Variants in CCDC175 observed in about 807,000 individuals in gnomAD.
The protein encoded by CCDC175 is coiled-coil domain-containing protein 175.
Under a neutral mutation model 114.6 loss-of-function variants are expected in CCDC175, and 100 were observed. That is an observed-to-expected ratio of 0.87 (90% confidence interval 0.74 to 1.03). The LOEUF is 1.03. CCDC175 is among the 50% of genes least tolerant of loss of function. The probability of loss-of-function intolerance (pLI) is 0.00; values close to 1 mark genes in which losing one functional copy is unlikely to be tolerated. For synonymous variants in CCDC175, 306 were observed against 308.7 expected (o/e 0.99, Z 0.09); for missense variants, 880 against 917.8 (o/e 0.96, Z 0.53).
At chr14:59,506,208 A>T (rs898022682) in intron 19 of CCDC175, among the ~76,000 whole-genome samples, 7 of 152,016 alleles carry the variant, frequency 4.6e-5, no homozygotes, top group Non-Finnish European at 4.4e-5. Flanking sequence ...GGAGAGATTT[A>T]AAAAAATAAT....
chr14:59,508,586 G>A (rs4901931), intron 19 of CCDC175, among the ~76,000 whole-genome samples: 30,420 of 91,182 alleles, frequency 0.33, 3,844 homozygotes, highest in South Asian at 0.52. Flanking sequence ...AAAAAAAAAA[G>A]AGAGAAAAGC....
chr14:59,542,290 G>C (rs1030515127), intron 10 of CCDC175, among the ~76,000 whole-genome samples: 3 of 152,040 alleles, frequency 2.0e-5, no homozygotes, highest in African/African-American at 7.3e-5. Flanking sequence ...CATCATATGT[G>C]GTTCATTAAT....
Position 59,576,785 on chromosome 14 carries a change from C to G in CCDC175, c.-10G>C, listed in dbSNP as rs569125888. On this transcript the variant is annotated 5_prime_UTR_variant, in exon 1 of 20. Coordinates refer to ENST00000537690, the MANE Select transcript of CCDC175 (RefSeq NM_001164399.2). ...AGGGGCTCAGGGCCATTTTGCCGCT[C>G]TACTTGAGCGCCTCCTAAGCCAGAG... is the stretch of plus-strand genomic sequence containing the variant. The G allele has an allele frequency of 7.7e-6, 11 of 1,430,688 alleles. No homozygotes were observed. In the East Asian group the frequency reaches 3.3e-4, roughly 43 times the overall value. The allele number at this position is 1,430,688 out of a possible 1,614,324, so 88.6% of individuals were successfully genotyped here. A position where few individuals can be genotyped will look rare whatever the true frequency, so the allele number is the denominator to read the frequency against.
At chr14:59,551,695 G>A (rs1185810090) in intron 7 of CCDC175, among the ~76,000 whole-genome samples, 1 of 152,184 alleles carries the variant, frequency 6.6e-6, no homozygotes, top group Non-Finnish European at 1.5e-5. Flanking sequence ...GAAGCACAAG[G>A]GGTAAGGGAA....
At chr14:59,551,055 T>C in intron 8 of CCDC175, 1 of 194,210 alleles carries the variant, frequency 5.1e-6, no homozygotes, top group East Asian at 1.3e-4. Context: ...ATTCTAACTT[T>C]CTAAATAATT....
At chr14:59,537,919 A>G (rs1956358) in intron 13 of CCDC175, 104 bp downstream of exon 13, 355,983 of 718,962 alleles carry the variant, frequency 0.5, 94,918 homozygotes, top group East Asian at 0.8. Context: ...TTCATACTAG[A>G]ATATTTATTT....
intron 7 of CCDC175, among the ~76,000 whole-genome samples, chr14:59,560,449 T>C (rs1384576013): frequency 2.0e-5 from 3 of 152,326 alleles, no homozygotes; most frequent in Admixed American, 1.3e-4. Context: ...CATTCTGATA[T>C]GAAATCTGGG....
chr14:59,567,850 A>G (rs75620773), intron 4 of CCDC175, among the ~76,000 whole-genome samples: 2,998 of 152,334 alleles, frequency 0.02, 90 homozygotes, highest in African/African-American at 0.069. Flanking sequence ...TAGATTTACA[A>G]TATAATCCCT....
intron 19 of CCDC175, among the ~76,000 whole-genome samples, chr14:59,507,024 C>G (rs1382422964): frequency 2.0e-5 from 3 of 152,146 alleles, no homozygotes; most frequent in Non-Finnish European, 4.4e-5. Flanking sequence ...TACTAAGTTA[C>G]TGTTTAGCTT....
At chr14:59,543,713 C>T (rs937456580) in intron 9 of CCDC175, among the ~76,000 whole-genome samples, 3 of 152,110 alleles carry the variant, frequency 2.0e-5, no homozygotes, top group African/African-American at 7.2e-5. Flanking sequence ...AGGCTGGTAT[C>T]AAATGCCTGG....
intron 13 of CCDC175, among the ~76,000 whole-genome samples, chr14:59,536,075 T>C (rs1197392384): frequency 2.6e-5 from 4 of 152,212 alleles, no homozygotes; most frequent in African/African-American, 9.6e-5. Flanking sequence ...CCCAATCTTG[T>C]CATAGATACT....
In CCDC175 at chr14:59,505,185, T is replaced by C; in HGVS notation, c.*54A>G. 5 of 923,136 alleles carry C rather than the reference T, an allele frequency of 5.4e-6. No homozygotes were observed. Among genetic ancestry groups the C allele is most frequent in the Non-Finnish European group, 6.3e-6 (4 of 635,194 alleles). 57.2% of individuals were successfully genotyped at this position (923,136 alleles called of 1,614,324 possible). ...CTGCAAAATATGAAAGTAAGTGCAC[T>C]CACTTTTCCTGTAGTAGTCTGTCTT... On this transcript the variant is annotated 3_prime_UTR_variant, in exon 20 of 20. Transcript: ENST00000537690.
intron 17 of CCDC175, among the ~76,000 whole-genome samples, chr14:59,519,418 A>C (rs1458892192): frequency 6.6e-6 from 1 of 152,214 alleles, no homozygotes; most frequent in Non-Finnish European, 1.5e-5. Flanking sequence ...GGGTAGGCAC[A>C]AATGTTTTAG....
chr14:59,540,344 G>A (rs571601383), intron 11 of CCDC175, among the ~76,000 whole-genome samples: 27 of 152,114 alleles, frequency 1.8e-4, no homozygotes, highest in Admixed American at 1.1e-3. Flanking sequence ...TAGCCTTCAC[G>A]CCACCTTCCT....
intron 8 of CCDC175, among the ~76,000 whole-genome samples, chr14:59,547,822 C>A (rs1022354410): frequency 6.6e-6 from 1 of 152,048 alleles, no homozygotes; most frequent in Non-Finnish European, 1.5e-5. Context: ...AACTGGACTT[C>A]ATTAAAATTA....
At chr14:59,554,298 A>C (rs1450943113) in intron 7 of CCDC175, among the ~76,000 whole-genome samples, 1 of 152,258 alleles carries the variant, frequency 6.6e-6, no homozygotes, top group African/African-American at 2.4e-5. Flanking sequence ...ACTAGAACTC[A>C]GGATTAAGAA....
chr14:59,569,079 G>A (rs1289055408), intron 3 of CCDC175, among the ~76,000 whole-genome samples: 4 of 152,302 alleles, frequency 2.6e-5, no homozygotes, highest in South Asian at 2.1e-4. Flanking sequence ...GTGTAATCAC[G>A]TATGACTTCA....
intron 17 of CCDC175, among the ~76,000 whole-genome samples, chr14:59,517,659 C>G (rs6573264): frequency 2.0e-5 from 3 of 151,914 alleles, no homozygotes; most frequent in Middle Eastern, 3.4e-3. Context: ...CACTGCTCAA[C>G]GAAATAAAAG....
intron 7 of CCDC175, among the ~76,000 whole-genome samples, chr14:59,560,128 T>C (rs2140101278): frequency 6.6e-6 from 1 of 152,294 alleles, no homozygotes; most frequent in South Asian, 2.1e-4. Context: ...ATTTTTAATC[T>C]GATACTGAAG....
Sources: allele counts gnomAD v4.1 joint callset (sites outside exome capture counted in the v4.1 genomes callset), GRCh38; gene constraint gnomAD v4.1.1; transcripts MANE v1.5; gene names NCBI Gene and HGNC (gene_info 2026-07-23, HGNC 2026-07-21).